RIN3: variants seen among roughly 807,000 people sequenced by gnomAD.
The protein encoded by RIN3 is RAB5 interacting protein 3.
In RIN3, 54 loss-of-function variants were observed where a neutral mutation model predicts 76.3. The observed-to-expected ratio is 0.71, with a 90% confidence interval of 0.57 to 0.89. The LOEUF (loss-of-function observed/expected upper bound fraction) is 0.89, where lower values mean the gene tolerates loss of function less well. RIN3 is among the 40% of genes least tolerant of loss of function. The probability of loss-of-function intolerance (pLI) is 0.00; values close to 1 mark genes in which losing one functional copy is unlikely to be tolerated. For synonymous variants in RIN3, 576 were observed against 564.0 expected (o/e 1.02, Z -0.30); for missense variants, 1,256 against 1,322.1 (o/e 0.95, Z 0.78).
intron 1 of RIN3, among the ~76,000 whole-genome samples, chr14:92,551,109 A>T (rs1897411770): frequency 6.6e-6 from 1 of 152,156 alleles, no homozygotes; most frequent in African/African-American, 2.4e-5. Context: ...TTTAGTTAGG[A>T]TTATCTTTTA....
Position 92,608,563 on chromosome 14 carries a change from C to A in RIN3, c.368-6844C>A, listed in dbSNP as rs183633697. 1.5e-3 allele frequency among the ~76,000 whole-genome samples: 228 copies of A among 151,010 alleles called. 1 individual carries two copies. The highest frequency in any genetic ancestry group is 6.6e-3 in the Admixed American group (100 of 15,122). ...AGCATTTTTTTTTTTGAGACAGAGT[C>A]TCACTCTGTTGCCCAGGCTGGAGTG... is the stretch of plus-strand genomic sequence containing the variant. On this transcript the variant is annotated intron_variant, in intron 3 of 9. Coordinates refer to ENST00000216487, the MANE Select transcript of RIN3 (RefSeq NM_024832.5).
At chr14:92,536,180 A>G (rs1388639469) in intron 1 of RIN3, among the ~76,000 whole-genome samples, 1 of 152,162 alleles carries the variant, frequency 6.6e-6, no homozygotes, top group Non-Finnish European at 1.5e-5. Flanking sequence ...CCCCTCTTCA[A>G]GTGCAGCCTG....
chr14:92,652,668 T>C lies in RIN3; in HGVS notation c.1619T>C (p.Val540Ala), dbSNP rs776988912. 6.2e-7 allele frequency: 1 copy of C among 1,612,022 alleles called. No homozygotes were observed. Among genetic ancestry groups the C allele is most frequent in the Non-Finnish European group, 8.5e-7 (1 of 1,179,880 alleles). Residue 540 changes from valine to alanine, a missense_variant, in exon 6 of 10, where the codon GTG (valine) becomes GCG (alanine). Val to Ala is a moderately conservative substitution (Grantham distance 64). Transcript: ENST00000216487. This position sits in a 1 kb window ranked among gnomAD's most constrained non-coding sequence, Gnocchi z 6.4. ...GCCTCCCTCTCAGACAGCTTGGGGG[T>C]GTCTGTCATGGCCACCGACCAGGAC... ...SLASLSDSLG[V>A]SVMATDQDSY...
At chr14:92,561,153 A>ATATATATATT (rs1566843457) in intron 2 of RIN3, among the ~76,000 whole-genome samples, 1 of 127,066 alleles carries the variant, frequency 7.9e-6, no homozygotes, top group Admixed American at 9.3e-5. Context: ...ATTTTTATAT[A>ATATATATATT]TATATTTATA....
intron 4 of RIN3, among the ~76,000 whole-genome samples, chr14:92,626,133 C>T (rs571311346): frequency 6.6e-6 from 1 of 152,286 alleles, no homozygotes; most frequent in Non-Finnish European, 1.5e-5. Context: ...CACTGACTCC[C>T]GAATTCCTTT....
Position 92,676,617 on chromosome 14 carries a change from A to AC in RIN3, c.2467+16dup. 2 of 1,610,872 alleles carry AC rather than the reference A, an allele frequency of 1.2e-6. No homozygotes were observed. Among genetic ancestry groups the AC allele is most frequent in the Non-Finnish European group, 1.7e-6 (2 of 1,178,508 alleles). On this transcript the variant is annotated intron_variant, in intron 8 of 9. Transcript: ENST00000216487. ...TGCAGCTGGGGGAGGGTGAGTCACCACCCCCTGCCCATCAGGTGCATTGCA... is the reference window on the plus strand; with the variant it reads ...TGCAGCTGGGGGAGGGTGAGTCACCACCCCCCTGCCCATCAGGTGCATTGCA...
At chr14:92,595,159 C>A (rs1183265802) in intron 3 of RIN3, among the ~76,000 whole-genome samples, 2 of 152,148 alleles carry the variant, frequency 1.3e-5, no homozygotes, top group African/African-American at 4.8e-5. Context: ...GTCAAGGAGG[C>A]AGAGTTGTCA....
intron 4 of RIN3, among the ~76,000 whole-genome samples, chr14:92,638,771 CACA>C (rs1299197512): frequency 2.6e-5 from 4 of 152,278 alleles, no homozygotes; most frequent in African/African-American, 7.2e-5. Context: ...AGCAGAATCA[CACA>C]ACAATGACAG....
chr14:92,544,759 T>C (rs966683205), intron 1 of RIN3, among the ~76,000 whole-genome samples: 10 of 152,132 alleles, frequency 6.6e-5, no homozygotes, highest in African/African-American at 2.4e-4. Context: ...GAGAACAACA[T>C]TGCAATGCCC....
chr14:92,599,644 G>A (rs931133544), intron 3 of RIN3, among the ~76,000 whole-genome samples: 5 of 152,156 alleles, frequency 3.3e-5, no homozygotes, highest in African/African-American at 1.2e-4. Context: ...ATGGACCCCT[G>A]GGTCTGGTTC....
intron 7 of RIN3, among the ~76,000 whole-genome samples, chr14:92,670,688 T>A (rs1888260023): frequency 6.6e-6 from 1 of 152,198 alleles, no homozygotes; most frequent in South Asian, 2.1e-4. Context: ...GCTGCAGGGC[T>A]TTGAGCAAAT....
At chr14:92,674,119 T>C (rs1196179383) in intron 7 of RIN3, among the ~76,000 whole-genome samples, 1 of 152,222 alleles carries the variant, frequency 6.6e-6, no homozygotes, top group African/African-American at 2.4e-5. Flanking sequence ...TTTCAATTAA[T>C]CCTCAAACAT....
intron 1 of RIN3, among the ~76,000 whole-genome samples, chr14:92,530,827 C>CT (rs1896863118): frequency 1.3e-5 from 2 of 152,138 alleles, no homozygotes; most frequent in Admixed American, 1.3e-4. Flanking sequence ...CCAAGCCCCA[C>CT]TGAGGGGATG....
intron 3 of RIN3, among the ~76,000 whole-genome samples, chr14:92,597,468 G>T (rs1226327845): frequency 6.6e-6 from 1 of 152,176 alleles, no homozygotes; most frequent in Non-Finnish European, 1.5e-5. Context: ...AGTGGCAGTG[G>T]CTGTGGTGAA....
intron 3 of RIN3, 38 bp downstream of exon 3, chr14:92,577,515 C>A (rs201728586): frequency 3.7e-6 from 5 of 1,336,064 alleles, no homozygotes; most frequent in Non-Finnish European, 5.4e-6. Context: ...TTTGACCACG[C>A]GGCAGCAGCA....
chr14:92,552,953 C>T (rs946632879), intron 1 of RIN3, among the ~76,000 whole-genome samples: 2 of 151,382 alleles, frequency 1.3e-5, no homozygotes, highest in Admixed American at 6.6e-5. Context: ...AAGCACAGCC[C>T]GAGTGAATGA....
chr14:92,676,829 CAAG>C (rs1566901051), intron 8 of RIN3, among the ~76,000 whole-genome samples: 1 of 152,124 alleles, frequency 6.6e-6, no homozygotes, highest in Non-Finnish European at 1.5e-5. Context: ...CTCCACGTAA[CAAG>C]TGCTGGAATA....
At chr14:92,517,842 C>G (rs1278759978) in intron 1 of RIN3, among the ~76,000 whole-genome samples, 1 of 152,198 alleles carries the variant, frequency 6.6e-6, no homozygotes, top group Non-Finnish European at 1.5e-5. Flanking sequence ...TGTTGCCAAT[C>G]AAGCTAGAGG....
chr14:92,633,139 C>T (rs1886651263), intron 4 of RIN3, among the ~76,000 whole-genome samples: 1 of 152,086 alleles, frequency 6.6e-6, no homozygotes, highest in Non-Finnish European at 1.5e-5. Context: ...GAGGGCAGCC[C>T]CTGAGGGAGG....
Sources: gnomAD v4.1 joint callset for allele counts (sites outside exome capture counted in the v4.1 genomes callset) on GRCh38, gnomAD v4.1.1 for gene constraint, Gnocchi (gnomAD v3.1) non-coding constraint, MANE v1.5 for transcripts, NCBI Gene and HGNC (gene_info 2026-07-23, HGNC 2026-07-21) for gene names.